PKHD1: variants seen among roughly 807,000 people sequenced by gnomAD.
The protein encoded by PKHD1 is fibrocystin.
A neutral mutation model predicts 412.0 loss-of-function variants in PKHD1; 291 were observed. The ratio of observed to expected loss-of-function variants is 0.71; its 90% CI spans 0.64 to 0.78. The LOEUF (loss-of-function observed/expected upper bound fraction) is 0.78. Among genes scored for constraint, PKHD1 ranks in the 30% least tolerant of loss-of-function variants. PKHD1 has a pLI of 0.00. For missense variants in PKHD1, 4,825 were observed against 4,950.7 expected (o/e 0.97, Z 0.76); for synonymous variants, 1,777 against 1,821.5 (o/e 0.98, Z 0.62).
intron 11 of PKHD1, among the ~76,000 whole-genome samples, chr6:52,066,412 A>C (rs1000679751): frequency 1.3e-5 from 2 of 152,206 alleles, no homozygotes; most frequent in Non-Finnish European, 2.9e-5. Flanking sequence ...ACAGTAAGTT[A>C]CAACACAAGG....
intron 63 of PKHD1, among the ~76,000 whole-genome samples, chr6:51,641,961 G>A (rs1769423201): frequency 1.3e-5 from 2 of 152,042 alleles, no homozygotes; most frequent in African/African-American, 2.4e-5. Flanking sequence ...GGGTTGATGG[G>A]TGCAGCAAAC....
chr6:51,865,697 C>A (rs1283662810), intron 48 of PKHD1, among the ~76,000 whole-genome samples: 1 of 152,170 alleles, frequency 6.6e-6, no homozygotes, highest in Non-Finnish European at 1.5e-5. Flanking sequence ...AACATGCAAC[C>A]CCAAAAGATC....
chr6:51,758,054 A>AGAGAGAGAGAGAGAG (rs1485093515), intron 55 of PKHD1, among the ~76,000 whole-genome samples: 3 of 115,310 alleles, frequency 2.6e-5, no homozygotes, highest in African/African-American at 1.0e-4. Context: ...GAGAGAGAGA[A>AGAGAGAGAGAGAGAG]AACAAAGCAA....
chr6:51,847,801 C>G lies in PKHD1; in HGVS notation c.8081G>C (p.Ser2694Thr). Reference protein sequence around the residue: ...QNQGCDWFFNSQLRQLTYLVS... With the variant: ...QNQGCDWFFNTQLRQLTYLVS... ...CAGATAGGTGAGTTGCCTCAGCTGG[C>G]TATTGAAGAACCAGTCACAGCCTTG... Residue 2694 changes from serine to threonine, a missense_variant, in exon 50 of 67, where the codon AGC (serine) becomes ACC (threonine). By Grantham distance (58) the Ser-to-Thr change is moderately conservative. Transcript: ENST00000371117. 6.2e-7 allele frequency: 1 copy of G among 1,613,910 alleles called. No homozygotes were observed. The highest frequency in any genetic ancestry group is 8.5e-7 in the Non-Finnish European group (1 of 1,179,810).
At chr6:51,647,234 T>C (rs558253949) in intron 63 of PKHD1, among the ~76,000 whole-genome samples, 1 of 152,336 alleles carries the variant, frequency 6.6e-6, no homozygotes, top group South Asian at 2.1e-4. Flanking sequence ...GAGTAGGTTG[T>C]ATTTCAACGG....
At chr6:51,988,388 G>T (rs1191476862) in intron 35 of PKHD1, among the ~76,000 whole-genome samples, 1 of 152,116 alleles carries the variant, frequency 6.6e-6, no homozygotes, top group Non-Finnish European at 1.5e-5. Flanking sequence ...AAATTATCCA[G>T]CATATATTTT....
At chr6:51,959,452 A>G (rs1791658534) in intron 36 of PKHD1, among the ~76,000 whole-genome samples, 1 of 152,096 alleles carries the variant, frequency 6.6e-6, no homozygotes. Context: ...CATGGGACCA[A>G]GAAGTCAAAA....
chr6:51,689,138 CTT>C (rs1185522414), intron 60 of PKHD1, among the ~76,000 whole-genome samples: 97 of 152,154 alleles, frequency 6.4e-4, no homozygotes, highest in Admixed American at 3.9e-4. Context: ...ACATCAAAAG[CTT>C]ATCCATCAAG....
At chr6:52,054,261 A>G (rs1329499430) in intron 19 of PKHD1, 96 bp from the exon 20 acceptor site, 4 of 1,204,752 alleles carry the variant, frequency 3.3e-6, no homozygotes, top group Non-Finnish European at 4.9e-6. Context: ...GAACCCTGCC[A>G]TAGGCTCTGA....
chr6:51,635,345 T>C (rs989294859), intron 64 of PKHD1, among the ~76,000 whole-genome samples: 2 of 152,216 alleles, frequency 1.3e-5, no homozygotes, highest in Admixed American at 1.3e-4. Context: ...CAGGCGAAAT[T>C]ATCTAAATCC....
intron 27 of PKHD1, among the ~76,000 whole-genome samples, chr6:52,040,926 C>T (rs578210681): frequency 6.6e-6 from 1 of 152,214 alleles, no homozygotes; most frequent in South Asian, 2.1e-4. Flanking sequence ...ATTAATAATG[C>T]CTGGTAATAA....
intron 14 of PKHD1, among the ~76,000 whole-genome samples, chr6:52,062,249 C>T (rs1185028138): frequency 1.3e-5 from 2 of 152,230 alleles, no homozygotes; most frequent in Non-Finnish European, 2.9e-5. Context: ...GTCTCCTGGC[C>T]TGCTCAGCTC....
At position 51,989,936 on chromosome 6, in the gene PKHD1, GAAGGAAGGAAGAAAGGAAGGAAA is replaced by G. The variant is rs1462068930; in HGVS notation, c.5751+20350_5751+20372del. 9.9e-4 allele frequency among the ~76,000 whole-genome samples: 90 copies of G among 90,858 alleles called. 2 individuals are homozygous for G. The highest frequency in any genetic ancestry group is 3.4e-3 in the African/African-American group (84 of 24,948). The allele number at this position is 90,858 out of a possible 152,430, so 59.6% of individuals were successfully genotyped here. A position where few individuals can be genotyped will look rare whatever the true frequency, so the allele number is the denominator to read the frequency against. ...GGAAGGAAGGAAGGAAGGAAGGAAAGAAGGAAGGAAGAAAGGAAGGAAAGAAGGAAGGAAGGAAGGAAGGAAGG... is the reference window on the plus strand; with the variant it reads ...GGAAGGAAGGAAGGAAGGAAGGAAAGGAAGGAAGGAAGGAAGGAAGGAAGG... On this transcript the variant is annotated intron_variant, in intron 35 of 66. Coordinates refer to ENST00000371117, the MANE Select transcript of PKHD1 (RefSeq NM_138694.4).
intron 50 of PKHD1, among the ~76,000 whole-genome samples, chr6:51,843,475 AAAC>A (rs1328022701): frequency 6.6e-6 from 1 of 152,220 alleles, no homozygotes; most frequent in Non-Finnish European, 1.5e-5. Flanking sequence ...CCATGAACTG[AAAC>A]ATCCTTGGAA....
In PKHD1 at chr6:52,059,942, C is replaced by T. The variant is rs1483545182; in HGVS notation, c.1219G>A (p.Glu407Lys). Residue 407 changes from glutamate (E) to lysine (K), a missense_variant, in exon 15 of 67, where the codon GAA becomes AAA. Physicochemically the swap from Glu to Lys is moderately conservative, Grantham distance 56 (BLOSUM62 1). Coordinates refer to ENST00000371117, the MANE Select transcript of PKHD1 (RefSeq NM_138694.4). ...ACAGTGAATACCTTAGTCCTTGGTT[C>T]CTCTGACCAACTGAAATGCAAGGAA... is the stretch of plus-strand genomic sequence containing the variant. ...QASLHFSWSE[E>K]PRTKVKVASI... 3.2e-6 allele frequency: 5 copies of T among 1,542,514 alleles called. No homozygotes were observed. Among genetic ancestry groups the T allele is most frequent in the Non-Finnish European group, 4.5e-6 (5 of 1,114,560 alleles).
In PKHD1 at chr6:51,659,022, G is replaced by A. The variant is rs758082610; in HGVS notation, c.11104C>T (p.Leu3702=). Residue 3702 remains leucine, a synonymous_variant, in exon 61 of 67, where the codon CTA becomes TTA. Coordinates refer to ENST00000371117, the MANE Select transcript of PKHD1 (RefSeq NM_138694.4). ...ATAGTCATATTCAGAACATTCTCTAGTACCCCAGTCTGTTGAGCAGTGATG... is the reference window on the plus strand; with the variant it reads ...ATAGTCATATTCAGAACATTCTCTAATACCCCAGTCTGTTGAGCAGTGATG... ...RVITAQQTGV[L]ENVLNMTIGA... is the part of the protein sequence containing the mutation. 22 of 1,612,784 alleles carry A rather than the reference G, an allele frequency of 1.4e-5. No individual in the cohort carries two copies. Among genetic ancestry groups the A allele is most frequent in the Non-Finnish European group, 1.9e-5 (22 of 1,179,064 alleles).
intron 13 of PKHD1, among the ~76,000 whole-genome samples, chr6:52,064,004 T>C (rs1809104696): frequency 1.3e-5 from 2 of 152,266 alleles, no homozygotes; most frequent in South Asian, 4.1e-4. Flanking sequence ...TGATTACTTG[T>C]TTCAGTAGTT....
At chr6:51,768,406 G>A (rs750007757) in intron 55 of PKHD1, among the ~76,000 whole-genome samples, 10 of 151,880 alleles carry the variant, frequency 6.6e-5, no homozygotes, top group African/African-American at 9.7e-5. Flanking sequence ...TTATGCCATT[G>A]AATAGTGTTT....
intron 59 of PKHD1, 48 bp downstream of exon 59, chr6:51,746,673 G>T (rs780557574): frequency 8.4e-7 from 1 of 1,186,984 alleles, no homozygotes; most frequent in Non-Finnish European, 1.3e-6. Context: ...TTGAAGAATT[G>T]CCAAGTACTT....
Sources: allele counts gnomAD v4.1 joint callset (sites outside exome capture counted in the v4.1 genomes callset), GRCh38; gene constraint gnomAD v4.1.1; transcripts MANE v1.5; gene names NCBI Gene and HGNC (gene_info 2026-07-23, HGNC 2026-07-21).